The following CRIP1 variants were observed in gnomAD, a reference collection of about 807,000 sequenced individuals.
CRIP1 encodes the protein cysteine rich protein 1.
In CRIP1, 11 loss-of-function variants were observed where a neutral mutation model predicts 12.9. That is an observed-to-expected ratio of 0.86 (90% CI 0.54 to 1.42). CRIP1 has a LOEUF of 1.42. Among genes scored for constraint, CRIP1 ranks in the 40% most tolerant of loss-of-function variants. The pLI, the probability that CRIP1 is intolerant of heterozygous loss-of-function variation, is 0.00. For missense variants in CRIP1, 122 were observed against 101.3 expected (o/e 1.20, Z -0.88); for synonymous variants, 41 against 37.2 (o/e 1.10, Z -0.37).
rs782351069 is a variant in CRIP1, at chr14:105,488,529, C to T, written c.*5+13C>T. On this transcript the variant is annotated intron_variant, in intron 5 of 5. Transcript: ENST00000392531. ...TCAAGTAAACCAGGTAGGTAGGACC[C>T]CACCCCCTATCCTGCCTCCTGGTTC... The T allele has an allele frequency of 6.3e-7, 1 of 1,576,822 alleles. No homozygotes were observed. Among genetic ancestry groups the T allele is most frequent in the East Asian group, 2.2e-5 (1 of 44,574 alleles).
intron 1 of CRIP1, 67 bp from the exon 2 acceptor site, chr14:105,487,132 G>C: frequency 7.0e-7 from 1 of 1,420,706 alleles, no homozygotes; most frequent in South Asian, 1.5e-5. Context: ...GGGCGCGAGG[G>C]GCGGGGTCTC....
chr14:105,487,066 G>A (rs2084127402), intron 1 of CRIP1, 94 bp downstream of exon 1: 1 of 1,369,252 alleles, frequency 7.3e-7, no homozygotes, highest in Non-Finnish European at 9.5e-7. Context: ...GATCTTTCTT[G>A]GGCCCTGGGC....
In CRIP1 at chr14:105,488,403, T is replaced by TGC. The variant is rs2084147064; in HGVS notation, c.193+15_193+16insGC. 1.5e-4 allele frequency: 239 copies of TGC among 1,580,374 alleles called. No homozygotes were observed. Among genetic ancestry groups the TGC allele is most frequent in the Non-Finnish European group, 1.9e-4 (222 of 1,156,066 alleles). On this transcript the variant is annotated intron_variant, in intron 4 of 5. Transcript: ENST00000392531. ...TGGGCCTAAAGGTATGCTCCCGTCA[T>TGC]CCCCACCCCACCCCACCCCACAGCC...
rs2084126540 is a variant in CRIP1 at position 105,486,967 on chromosome 14, C to A, written c.-67C>A. 3 of 1,204,524 alleles carry A rather than the reference C, an allele frequency of 2.5e-6. No homozygotes were observed. The highest frequency in any genetic ancestry group is 3.2e-4 in the Middle Eastern group (1 of 3,128). The allele number at this position is 1,204,524 out of a possible 1,614,324, so 74.6% of individuals were successfully genotyped here. A position where few individuals can be genotyped will look rare whatever the true frequency, so the allele number is the denominator to read the frequency against. On this transcript the variant is annotated 5_prime_UTR_variant, in exon 1 of 6. Coordinates refer to ENST00000392531, the MANE Select transcript of CRIP1 (RefSeq NM_001311.5). ...TTGAACTCGCCTAAAGAGCTGCGCC[C>A]TCTCAGTAAGTCCCCATGGCCCCCT...
intron 1 of CRIP1, 77 bp from the exon 2 acceptor site, chr14:105,487,122 G>A: frequency 7.1e-7 from 1 of 1,410,104 alleles, no homozygotes; most frequent in Non-Finnish European, 9.3e-7. Flanking sequence ...TCAGAGGGCG[G>A]GGCGCGAGGG....
Position 105,488,802 on chromosome 14 carries a change from C to T in CRIP1, c.*145C>T. ...AACACTTGGAAAACCTGTGTGTGTA[C>T]ATGCGCGTGTGTGCTGGGGAGTGCC... On this transcript the variant is annotated 3_prime_UTR_variant, in exon 6 of 6. Coordinates refer to ENST00000392531, the MANE Select transcript of CRIP1 (RefSeq NM_001311.5). 2 of 513,176 alleles carry T rather than the reference C, an allele frequency of 3.9e-6. No individual in the cohort carries two copies. The highest frequency in any genetic ancestry group is 3.0e-5 in the East Asian group (1 of 33,084). The allele number at this position is 513,176 out of a possible 1,614,324, so 31.8% of individuals were successfully genotyped here.
rs1567069683 is a variant in CRIP1, at chr14:105,488,479, CG to C, written c.206del (p.Gly69AlafsTer?). 1.5e-6 allele frequency: 2 copies of C among 1,372,494 alleles called. No individual in the cohort carries two copies. Among genetic ancestry groups the C allele is most frequent in the Non-Finnish European group, 1.9e-6 (2 of 1,032,430 alleles). 85.0% of individuals were successfully genotyped at this position (1,372,494 alleles called of 1,614,324 possible). Reference sequence around the variant, plus strand: ...TTCCACCTTCTCTGCAGGCTTTGGGCGGGGCGGAGCCGAGAGCCACACTTTC... The same window carrying C: ...TTCCACCTTCTCTGCAGGCTTTGGGCGGGCGGAGCCGAGAGCCACACTTTC... Reference protein sequence around the residue: ...AAMFGPKGFGRGGAESHTFK With the variant: ...AAMFGPKGFGXGGAESHTFK On this transcript the variant is annotated frameshift_variant, in exon 5 of 6. Transcript: ENST00000392531. LOFTEE classifies it high-confidence loss of function.
At position 105,488,532 on chromosome 14, in the gene CRIP1, C is replaced by T. The variant is rs1567069756; in HGVS notation, c.*5+16C>T. The T allele has an allele frequency of 6.4e-7, 1 of 1,572,008 alleles. No homozygotes were observed. Among genetic ancestry groups the T allele is most frequent in the East Asian group, 2.2e-5 (1 of 44,518 alleles). On this transcript the variant is annotated intron_variant, in intron 5 of 5. Coordinates refer to ENST00000392531, the MANE Select transcript of CRIP1 (RefSeq NM_001311.5). Reference sequence around the variant, plus strand: ...AGTAAACCAGGTAGGTAGGACCCCACCCCCTATCCTGCCTCCTGGTTCCAC... The same window carrying T: ...AGTAAACCAGGTAGGTAGGACCCCATCCCCTATCCTGCCTCCTGGTTCCAC...
chr14:105,487,421 C>T lies in CRIP1; in HGVS notation c.40+122C>T, dbSNP rs587688413. ...GCGGCGCCCCAGCCTGAAAACGCCTCAGCCTGGCCCGCCGCCTGCCCCGGG... is the reference window on the plus strand; with the variant it reads ...GCGGCGCCCCAGCCTGAAAACGCCTTAGCCTGGCCCGCCGCCTGCCCCGGG... On this transcript the variant is annotated intron_variant, in intron 2 of 5. Coordinates refer to ENST00000392531, the MANE Select transcript of CRIP1 (RefSeq NM_001311.5). 3.0e-4 allele frequency: 246 copies of T among 810,858 alleles called. No homozygotes were observed. In the East Asian group the frequency reaches 7.3e-3, roughly 24 times the overall value. 50.2% of individuals were successfully genotyped at this position (810,858 alleles called of 1,614,324 possible). A position where few individuals can be genotyped will look rare whatever the true frequency, so the allele number is the denominator to read the frequency against.
rs1288673697 is a variant in CRIP1 at position 105,488,809 on chromosome 14, G to A, written c.*152G>A. The A allele has an allele frequency of 1.0e-5, 5 of 489,786 alleles. No individual in the cohort carries two copies. Among genetic ancestry groups the A allele is most frequent in the East Asian group, 3.2e-5 (1 of 31,550 alleles). 30.3% of individuals were successfully genotyped at this position (489,786 alleles called of 1,614,324 possible). The stretch of plus-strand genomic sequence containing the variant: ...GGAAAACCTGTGTGTGTACATGCGC[G>A]TGTGTGCTGGGGAGTGCCAAGGGAG... On this transcript the variant is annotated 3_prime_UTR_variant, in exon 6 of 6. Coordinates refer to ENST00000392531, the MANE Select transcript of CRIP1 (RefSeq NM_001311.5).
chr14:105,488,048 G>A, intron 2 of CRIP1, 118 bp from the exon 3 acceptor site: 1 of 1,042,430 alleles, frequency 9.6e-7, no homozygotes, highest in Non-Finnish European at 1.4e-6. Flanking sequence ...AGGCTGGGCG[G>A]ATGCGGGCTA....
At position 105,488,822 on chromosome 14, in the gene CRIP1, A is replaced by G; in HGVS notation, c.*165A>G. On this transcript the variant is annotated 3_prime_UTR_variant, in exon 6 of 6. Transcript: ENST00000392531. Reference sequence around the variant, plus strand: ...GTGTACATGCGCGTGTGTGCTGGGGAGTGCCAAGGGAGCTGCAGTGGGGTC... The same window carrying G: ...GTGTACATGCGCGTGTGTGCTGGGGGGTGCCAAGGGAGCTGCAGTGGGGTC... The G allele has an allele frequency of 4.7e-6, 2 of 427,724 alleles. No homozygotes were observed. The highest frequency in any genetic ancestry group is 4.2e-6 in the Non-Finnish European group (1 of 237,252). 26.5% of individuals were successfully genotyped at this position (427,724 alleles called of 1,614,324 possible).
chr14:105,488,042 TG>T, intron 2 of CRIP1, 123 bp from the exon 3 acceptor site: 1 of 958,370 alleles, frequency 1.0e-6, no homozygotes, highest in Non-Finnish European at 1.6e-6. Flanking sequence ...GCTGCCAGGC[TG>T]GGCGGATGCG....
intron 2 of CRIP1, chr14:105,487,934 G>A (rs1166057787): frequency 1.8e-6 from 1 of 552,866 alleles, no homozygotes. Flanking sequence ...GCACCCGAAA[G>A]TGCCCCGGGG....
At chr14:105,488,433 C>T in intron 4 of CRIP1, 38 bp from the exon 5 acceptor site, 1 of 1,602,738 alleles carries the variant, frequency 6.2e-7, no homozygotes, top group Non-Finnish European at 8.5e-7. Context: ...ACAGCCTCCT[C>T]CACCCCAGCC....
rs782179495 is a variant in CRIP1, at chr14:105,488,147, C to T, written c.41-19C>T. 2.5e-6 allele frequency: 4 copies of T among 1,608,820 alleles called. No individual in the cohort carries two copies. The highest frequency in any genetic ancestry group is 2.2e-5 in the East Asian group (1 of 44,838). On this transcript the variant is annotated intron_variant, in intron 2 of 5. Coordinates refer to ENST00000392531, the MANE Select transcript of CRIP1 (RefSeq NM_001311.5). ...CGCGTCCTGCAGCGTCTCACCGGGGCCTGTCTGTGCCTCTGCAGCCGAGAG... is the reference window on the plus strand; with the variant it reads ...CGCGTCCTGCAGCGTCTCACCGGGGTCTGTCTGTGCCTCTGCAGCCGAGAG...
At chr14:105,488,438 C>T (rs1555438553) in intron 4 of CRIP1, 33 bp from the exon 5 acceptor site, 2 of 1,609,982 alleles carry the variant, frequency 1.2e-6, no homozygotes, top group Admixed American at 1.7e-5. Flanking sequence ...CTCCTCCACC[C>T]CAGCCTGTTG....
In CRIP1 at chr14:105,488,275, C is replaced by T; in HGVS notation, c.135+15C>T. On this transcript the variant is annotated intron_variant, in intron 3 of 5. Transcript: ENST00000392531. ...GCCACGCTGAGGTAGGTGGGACCCACCCTGGTGGCAGGGGCCAGGGGTGAT... is the reference window on the plus strand; with the variant it reads ...GCCACGCTGAGGTAGGTGGGACCCATCCTGGTGGCAGGGGCCAGGGGTGAT... 6.2e-7 allele frequency: 1 copy of T among 1,613,446 alleles called. No individual in the cohort carries two copies. Among genetic ancestry groups the T allele is most frequent in the South Asian group, 1.1e-5 (1 of 91,084 alleles).
chr14:105,488,103 G>A (rs1441164408), intron 2 of CRIP1, 63 bp from the exon 3 acceptor site: 14 of 1,532,032 alleles, frequency 9.1e-6, no homozygotes, highest in Non-Finnish European at 1.1e-5. Context: ...AGGCGGGTAC[G>A]CCAGTGGTGG....
Sources: gnomAD v4.1 joint callset for allele counts on GRCh38, gnomAD v4.1.1 for gene constraint, MANE v1.5 for transcripts, NCBI Gene and HGNC (gene_info 2026-07-23, HGNC 2026-07-21) for gene names.